Variants in SORCS3 observed in about 807,000 individuals in gnomAD.
SORCS3 encodes the protein VPS10 domain-containing receptor SorCS3.
In SORCS3, 57 loss-of-function variants were observed where a neutral mutation model predicts 146.3. The ratio of observed to expected loss-of-function variants is 0.39; its 90% CI spans 0.31 to 0.49. The LOEUF (loss-of-function observed/expected upper bound fraction) is 0.49. Among genes scored for constraint, SORCS3 ranks in the 20% least tolerant of loss-of-function variants. SORCS3 has a pLI of 0.92. For synonymous variants in SORCS3, 653 were observed against 618.5 expected (o/e 1.06, Z -0.83); for missense variants, 1,341 against 1,575.5 (o/e 0.85, Z 2.52).
chr10:105,083,332 A>G (rs182953265), intron 5 of SORCS3, among the ~76,000 whole-genome samples: 191 of 152,120 alleles, frequency 1.3e-3, no homozygotes, highest in African/African-American at 4.5e-3. Flanking sequence ...CATTAAGCAC[A>G]GGGAGCTTTA....
At chr10:104,679,272 G>C (rs1286950411) in intron 1 of SORCS3, among the ~76,000 whole-genome samples, 2 of 152,160 alleles carry the variant, frequency 1.3e-5, no homozygotes, top group South Asian at 4.1e-4. Flanking sequence ...TCTCTTTCTT[G>C]TGGGGAGGGA....
intron 1 of SORCS3, among the ~76,000 whole-genome samples, chr10:104,776,875 GAA>G (rs773003360): frequency 1.6e-5 from 2 of 121,734 alleles, no homozygotes; most frequent in Admixed American, 8.5e-5. Context: ...CAGCAGCAGG[GAA>G]AAAAAAAAAA....
At chr10:104,685,381 G>T (rs2016032559) in intron 1 of SORCS3, among the ~76,000 whole-genome samples, 1 of 152,188 alleles carries the variant, frequency 6.6e-6, no homozygotes, top group African/African-American at 2.4e-5. Flanking sequence ...GTGGGCAGGA[G>T]CTTCTGGGAC....
chr10:104,747,126 CCA>C (rs2016920422), intron 1 of SORCS3, among the ~76,000 whole-genome samples: 1 of 152,204 alleles, frequency 6.6e-6, no homozygotes, highest in Non-Finnish European at 1.5e-5. Context: ...GATGCCAATT[CCA>C]GAGAACGTTG....
intron 1 of SORCS3, among the ~76,000 whole-genome samples, chr10:104,706,254 C>G (rs192836883): frequency 7.9e-6 from 1 of 126,266 alleles, no homozygotes; most frequent in East Asian, 2.7e-4. Flanking sequence ...TGTGGCCAGA[C>G]TGGAGTGCAG....
At chr10:105,197,266 T>G (rs2056549172) in intron 14 of SORCS3, among the ~76,000 whole-genome samples, 1 of 152,240 alleles carries the variant, frequency 6.6e-6, no homozygotes. Context: ...TTAGTCACTC[T>G]CTTCTTCAGT....
intron 8 of SORCS3, among the ~76,000 whole-genome samples, chr10:105,143,422 A>G (rs1182714826): frequency 6.6e-6 from 1 of 152,062 alleles, no homozygotes; most frequent in African/African-American, 2.4e-5. Context: ...TGAACTCTAG[A>G]CCACATATCC....
chr10:104,661,110 T>C (rs368253891), intron 1 of SORCS3, among the ~76,000 whole-genome samples: 3 of 152,244 alleles, frequency 2.0e-5, no homozygotes, highest in African/African-American at 7.2e-5. Context: ...TGACTTCCTC[T>C]TGCTCTGTTC....
chr10:105,182,195 G>A (rs186519118), intron 14 of SORCS3, among the ~76,000 whole-genome samples: 2 of 143,298 alleles, frequency 1.4e-5, no homozygotes, highest in African/African-American at 5.1e-5. Flanking sequence ...GGAACCCAGT[G>A]AAGACCTTGC....
At chr10:104,720,287 C>G (rs1460004268) in intron 1 of SORCS3, among the ~76,000 whole-genome samples, 1 of 152,170 alleles carries the variant, frequency 6.6e-6, no homozygotes, top group Admixed American at 6.5e-5. Flanking sequence ...TCATTCATGT[C>G]CCTACAAAGG....
intron 20 of SORCS3, among the ~76,000 whole-genome samples, chr10:105,232,456 CTTA>C (rs1361952246): frequency 2.0e-5 from 3 of 151,914 alleles, no homozygotes; most frequent in South Asian, 4.2e-4. Context: ...TGGCCAGAGG[CTTA>C]TTAACTTTAT....
At chr10:105,237,684 G>A (rs2056800485) in intron 20 of SORCS3, among the ~76,000 whole-genome samples, 1 of 152,150 alleles carries the variant, frequency 6.6e-6, no homozygotes, top group Non-Finnish European at 1.5e-5. Context: ...TGATTTTAGA[G>A]CTGTTTGGTT....
chr10:105,057,994 TG>T (rs1200237351), intron 5 of SORCS3, among the ~76,000 whole-genome samples: 1 of 152,200 alleles, frequency 6.6e-6, no homozygotes, highest in Admixed American at 6.5e-5. Context: ...ATTAGGGGCT[TG>T]TCCCACCTCC....
At chr10:104,700,111 G>A (rs2016262417) in intron 1 of SORCS3, among the ~76,000 whole-genome samples, 1 of 152,196 alleles carries the variant, frequency 6.6e-6, no homozygotes, top group African/African-American at 2.4e-5. Context: ...TTTTAGGAGT[G>A]GGTGGTTTGC....
At chr10:104,782,522 G>A (rs984829880) in intron 1 of SORCS3, among the ~76,000 whole-genome samples, 3 of 152,190 alleles carry the variant, frequency 2.0e-5, no homozygotes, top group African/African-American at 7.2e-5. Flanking sequence ...TTTCTTATCA[G>A]TGCAGTAACT....
In SORCS3 at chr10:105,202,755, A is replaced by G. The variant is rs942902513; in HGVS notation, c.2261+1502A>G. 5.3e-4 allele frequency among the ~76,000 whole-genome samples: 81 copies of G among 152,136 alleles called. 2 individuals are homozygous for G. The highest frequency in any genetic ancestry group is 5.3e-3 in the Admixed American group (81 of 15,266). ...ATTGTTCCTTTTAGGAGGGTCAAAAATCTCCCCAATTCTGGGAATGGGTAC... is the reference window on the plus strand; with the variant it reads ...ATTGTTCCTTTTAGGAGGGTCAAAAGTCTCCCCAATTCTGGGAATGGGTAC... On this transcript the variant is annotated intron_variant, in intron 16 of 26. Transcript: ENST00000369701.
At chr10:104,846,943 T>C (rs1048620916) in intron 2 of SORCS3, among the ~76,000 whole-genome samples, 1 of 152,190 alleles carries the variant, frequency 6.6e-6, no homozygotes, top group African/African-American at 2.4e-5. Flanking sequence ...CACAGTGTCA[T>C]ATATCCATCT....
At chr10:104,892,082 A>G (rs2018754719) in intron 2 of SORCS3, among the ~76,000 whole-genome samples, 2 of 152,244 alleles carry the variant, frequency 1.3e-5, no homozygotes, top group African/African-American at 4.8e-5. Flanking sequence ...AAGTTTTACA[A>G]CTTTATACTG....
chr10:105,222,069 T>G (rs1460836250), intron 19 of SORCS3, among the ~76,000 whole-genome samples: 12 of 148,208 alleles, frequency 8.1e-5, no homozygotes, highest in African/African-American at 2.0e-4. Flanking sequence ...TTTTTTTTTT[T>G]TTAGTTAACA....
Sources: gnomAD v4.1 joint callset for allele counts (sites outside exome capture counted in the v4.1 genomes callset) on GRCh38, gnomAD v4.1.1 for gene constraint, MANE v1.5 for transcripts, NCBI Gene and HGNC (gene_info 2026-07-23, HGNC 2026-07-21) for gene names.